Variants in CNOT1 observed in about 807,000 individuals in gnomAD.
The protein encoded by CNOT1 is CCR4-NOT transcription complex subunit 1.
CNOT1 carries 15 observed loss-of-function variants against 273.8 expected under a neutral mutation model. That is an observed-to-expected ratio of 0.05 (90% CI 0.04 to 0.08). The LOEUF (loss-of-function observed/expected upper bound fraction) is 0.08. CNOT1 is among the 10% of genes least tolerant of loss of function. CNOT1 has a pLI of 1.00. For missense variants in CNOT1, 1,644 were observed against 2,912.2 expected (o/e 0.56, Z 10.02); for synonymous variants, 1,022 against 1,005.5 (o/e 1.02, Z -0.31).
Position 58,520,236 on chromosome 16 carries a change from G to GT in CNOT1, c.*721_*722insA, listed in dbSNP as rs1457623292. The GT allele has an allele frequency of 2.2e-5, 2 of 92,568 alleles. No individual in the cohort carries two copies. Among genetic ancestry groups the GT allele is most frequent in the Admixed American group, 1.2e-4 (1 of 8,580 alleles). The allele number at this position is 92,568 out of a possible 1,614,324, so 5.7% of individuals were successfully genotyped here. A position where few individuals can be genotyped will look rare whatever the true frequency, so the allele number is the denominator to read the frequency against. On this transcript the variant is annotated 3_prime_UTR_variant, in exon 49 of 49. Coordinates refer to ENST00000317147, the MANE Select transcript of CNOT1 (RefSeq NM_016284.5). Reference sequence around the variant, plus strand: ...TGTTTTTAAGTTTCAGGAGAGGATTGGGGGGGTGAGGGTAGGGGTGGGCTT... The same window carrying GT: ...TGTTTTTAAGTTTCAGGAGAGGATTGTGGGGGGTGAGGGTAGGGGTGGGCTT...
intron 46 of CNOT1, 28 bp from the exon 47 acceptor site, chr16:58,523,530 A>C: frequency 6.2e-7 from 1 of 1,611,324 alleles, no homozygotes. Flanking sequence ...TTGACTTAGG[A>C]CTTAGTCTGA....
chr16:58,544,542 T>C (rs2040196151), intron 30 of CNOT1, among the ~76,000 whole-genome samples: 1 of 152,148 alleles, frequency 6.6e-6, no homozygotes, highest in African/African-American at 2.4e-5. Context: ...GGTGTCCCAC[T>C]GCCTCTCACT....
At chr16:58,588,958 AAAAGT>A in intron 2 of CNOT1, 52 bp from the exon 3 acceptor site, 2 of 1,510,212 alleles carry the variant, frequency 1.3e-6, no homozygotes, top group South Asian at 2.6e-5. Context: ...AACAAAAAAA[AAAAGT>A]AAGGTTTCAA....
At position 58,546,767 on chromosome 16, in the gene CNOT1, T is replaced by C. The variant is rs758579777; in HGVS notation, c.3751-18A>G. On this transcript the variant is annotated intron_variant, in intron 27 of 48. Coordinates refer to ENST00000317147, the MANE Select transcript of CNOT1 (RefSeq NM_016284.5). Reference sequence around the variant, plus strand: ...CTAAAAACCTAAAGAAAAGCTATTATGTTAAGCTGGCCCAAAATGTGCCCT... The same window carrying C: ...CTAAAAACCTAAAGAAAAGCTATTACGTTAAGCTGGCCCAAAATGTGCCCT... 1.4e-5 allele frequency: 23 copies of C among 1,613,634 alleles called. No individual in the cohort carries two copies. The Admixed American group carries it at 3.0e-4, about 21-fold the overall frequency.
chr16:58,538,416 T>C lies in CNOT1; in HGVS notation c.5136-150A>G, dbSNP rs74023116. The C allele has an allele frequency of 4.3e-3, 2,687 of 631,858 alleles. 58 individuals are homozygous for C. The African/African-American group carries it at 0.045, about 11-fold the overall frequency. The allele number at this position is 631,858 out of a possible 1,614,324, so 39.1% of individuals were successfully genotyped here. A position where few individuals can be genotyped will look rare whatever the true frequency, so the allele number is the denominator to read the frequency against. ...AATTTAAAAACAGCCAGTAATGAAA[T>C]AGAACAGATAGCCCAAGCTTTCCTT... On this transcript the variant is annotated intron_variant, in intron 36 of 48. Coordinates refer to ENST00000317147, the MANE Select transcript of CNOT1 (RefSeq NM_016284.5).
intron 34 of CNOT1, 75 bp downstream of exon 34, chr16:58,541,426 C>A: frequency 1.3e-6 from 2 of 1,564,474 alleles, no homozygotes; most frequent in South Asian, 2.4e-5. Context: ...GGAAGCAAGT[C>A]AAAAACATAT....
intron 16 of CNOT1, among the ~76,000 whole-genome samples, chr16:58,561,345 T>A (rs2040833997): frequency 6.6e-6 from 1 of 152,150 alleles, no homozygotes; most frequent in Admixed American, 6.6e-5. Flanking sequence ...TATATTAAAA[T>A]TTTCCAGAAA....
chr16:58,541,248 ATTAT>A (rs1286702071), intron 34 of CNOT1, among the ~76,000 whole-genome samples: 2 of 152,186 alleles, frequency 1.3e-5, no homozygotes, highest in Non-Finnish European at 2.9e-5. Context: ...ACCGAAAGTT[ATTAT>A]GTTACCATGA....
At chr16:58,559,828 T>G (rs767269520) in intron 17 of CNOT1, 1 of 526,544 alleles carries the variant, frequency 1.9e-6, no homozygotes, top group South Asian at 1.4e-5. Context: ...AGCAGTTCAG[T>G]TGAGAGCTGA....
intron 39 of CNOT1, among the ~76,000 whole-genome samples, chr16:58,536,175 TATA>T (rs1415626969): frequency 6.6e-6 from 1 of 152,096 alleles, no homozygotes; most frequent in African/African-American, 2.4e-5. Flanking sequence ...TTTGAAGAAA[TATA>T]ATGGTCAATC....
Position 58,551,736 on chromosome 16 carries a change from A to C in CNOT1, c.3054T>G (p.Ala1018=). The C allele has an allele frequency of 6.2e-7, 1 of 1,614,200 alleles. No individual in the cohort carries two copies. Among genetic ancestry groups the C allele is most frequent in the Non-Finnish European group, 8.5e-7 (1 of 1,180,030 alleles). Residue 1018 remains alanine, a synonymous_variant, in exon 23 of 49, where the codon GCT becomes GCG. Transcript: ENST00000317147. The stretch of plus-strand genomic sequence containing the variant: ...GAACCTGGGCCTGAGCCTGGGCCTG[A>C]GCCAGTGCAATACTTCCAGGGGTTG... ...SITTPGSIAL[A]QAQAQAQVPA... is the part of the protein sequence containing the mutation.
intron 2 of CNOT1, among the ~76,000 whole-genome samples, chr16:58,598,669 G>C (rs1051345420): frequency 6.6e-6 from 1 of 151,748 alleles, no homozygotes; most frequent in African/African-American, 2.4e-5. Context: ...GAAAATCCTA[G>C]CTAGCAGGTT....
In CNOT1 at chr16:58,622,939, T is replaced by C. The variant is rs181659232; in HGVS notation, c.-175+6789A>G. Among the ~76,000 whole-genome samples the C allele has an allele frequency of 4.0e-3, 610 of 152,004 alleles. 7 individuals are homozygous for C. Among genetic ancestry groups the C allele is most frequent in the East Asian group, 0.012 (63 of 5,164 alleles). ...TTGGCTGGGTGCAGTGGCTCACGCC[T>C]GAAATCCCAGCACTTAGGGAGGCCA... On this transcript the variant is annotated intron_variant, in intron 1 of 48. Coordinates refer to ENST00000317147, the MANE Select transcript of CNOT1 (RefSeq NM_016284.5).
At chr16:58,531,194 T>A (rs192529271) in intron 42 of CNOT1, among the ~76,000 whole-genome samples, 17 of 152,334 alleles carry the variant, frequency 1.1e-4, no homozygotes, top group Admixed American at 1.1e-3. Flanking sequence ...TAATATGTTG[T>A]GTTCCTTCCT....
rs762898519 is a variant in CNOT1, at chr16:58,574,672, T to C, written c.1916A>G (p.Lys639Arg). 101 of 1,609,838 alleles carry C rather than the reference T, an allele frequency of 6.3e-5. No homozygotes were observed. Among genetic ancestry groups the C allele is most frequent in the Non-Finnish European group, 8.4e-5 (99 of 1,179,344 alleles). ...AGTTTCTGGAGGAAGTTGAGCACTTTTGGGCTGGTCTTTTTCTGGGGCAAG... is the reference window on the plus strand; with the variant it reads ...AGTTTCTGGAGGAAGTTGAGCACTTCTGGGCTGGTCTTTTTCTGGGGCAAG... ...GGLAPEKDQP[K>R]SAQLPPETLA... The change falls in exon 16 of 49, where the codon AAA becomes AGA. Residue 639 changes from lysine (K) to arginine (R), a missense_variant. By Grantham distance (26) the Lys-to-Arg change is conservative (BLOSUM62 2). Around this residue, in one of 13 missense-constraint regions of CNOT1, gnomAD observed 706 missense variants for 1,021.2 expected, o/e 0.69. Coordinates refer to ENST00000317147, the MANE Select transcript of CNOT1 (RefSeq NM_016284.5).
intron 47 of CNOT1, 67 bp from the exon 48 acceptor site, chr16:58,521,384 AC>A: frequency 6.7e-7 from 1 of 1,498,848 alleles, no homozygotes; most frequent in Non-Finnish European, 9.0e-7. Flanking sequence ...TTCTTCCATT[AC>A]TTTTTTTCTA....
In CNOT1 at chr16:58,586,623, G is replaced by A. The variant is rs770038173; in HGVS notation, c.559C>T (p.His187Tyr). 9 of 1,612,872 alleles carry A rather than the reference G, an allele frequency of 5.6e-6. No homozygotes were observed. The highest frequency in any genetic ancestry group is 5.5e-5 in the South Asian group (5 of 91,058). Residue 187 changes from histidine (H) to tyrosine (Y), a missense_variant, in exon 7 of 49, where the codon CAT (histidine) becomes TAT (tyrosine). Transcript: ENST00000317147. ...GCTCCCTTCTGCCCAAAGAGGAGAT[G>A]GGAGAGGAGGAGGTGTAGGACCTCT... The part of the protein sequence containing the change: ...AIEVLHLLLS[H>Y]LLFGQKGAFG...
intron 31 of CNOT1, chr16:58,543,184 T>A: frequency 2.0e-6 from 3 of 1,468,758 alleles, no homozygotes; most frequent in Non-Finnish European, 2.7e-6. Context: ...TTATTAACCA[T>A]GATATCTGAG....
intron 43 of CNOT1, 83 bp from the exon 44 acceptor site, chr16:58,528,731 C>T: frequency 1.1e-6 from 1 of 907,140 alleles, no homozygotes; most frequent in Non-Finnish European, 1.7e-6. Flanking sequence ...GCCCCCCACC[C>T]CCCTCAAAAG....
Sources: allele counts gnomAD v4.1 joint callset (sites outside exome capture counted in the v4.1 genomes callset), GRCh38; gene constraint gnomAD v4.1.1; regional missense constraint gnomAD v4.1.1; transcripts MANE v1.5; gene names NCBI Gene and HGNC (gene_info 2026-07-23, HGNC 2026-07-21).